Variants in GRAMD2B observed in about 807,000 individuals in gnomAD.
GRAMD2B encodes GRAM domain containing 2B, also known as GRAM domain-containing protein 2B.
Under a neutral mutation model 59.2 loss-of-function variants are expected in GRAMD2B, and 41 were observed. The ratio of observed to expected loss-of-function variants is 0.69; its 90% CI spans 0.54 to 0.90. The LOEUF is 0.90. Ranked by LOEUF, GRAMD2B falls within the 40% of genes least tolerant of loss-of-function variation. The pLI, the probability that GRAMD2B is intolerant of heterozygous loss-of-function variation, is 0.00. For missense variants in GRAMD2B, 424 were observed against 500.5 expected (o/e 0.85, Z 1.46); for synonymous variants, 161 against 182.7 (o/e 0.88, Z 0.96).
At chr5:126,473,495 T>C in intron 5 of GRAMD2B, 127 bp downstream of exon 5, 1 of 430,964 alleles carries the variant, frequency 2.3e-6, no homozygotes. Flanking sequence ...TCAAGTTTCT[T>C]TTGTTGTAAT....
chr5:126,454,684 T>C (rs1261533371), intron 1 of GRAMD2B, among the ~76,000 whole-genome samples: 1 of 152,144 alleles, frequency 6.6e-6, no homozygotes, highest in African/African-American at 2.4e-5. Context: ...GGGGTCTTCT[T>C]TGAGACCATA....
At chr5:126,485,160 C>T (rs1772661757) in intron 10 of GRAMD2B, among the ~76,000 whole-genome samples, 1 of 151,856 alleles carries the variant, frequency 6.6e-6, no homozygotes, top group Admixed American at 6.6e-5. Flanking sequence ...TCAAGACCAG[C>T]CTGGGCAACA....
chr5:126,366,003 C>G (rs763536915), intron 1 of GRAMD2B, among the ~76,000 whole-genome samples: 3 of 152,190 alleles, frequency 2.0e-5, no homozygotes, highest in Non-Finnish European at 4.4e-5. Context: ...TACATGTTTA[C>G]TGAAGCTGCA....
At chr5:126,447,529 T>C (rs1423584715) in intron 1 of GRAMD2B, among the ~76,000 whole-genome samples, 1 of 151,876 alleles carries the variant, frequency 6.6e-6, no homozygotes, top group Non-Finnish European at 1.5e-5. Flanking sequence ...CCGGGCGTGG[T>C]GGCGGGCGCC....
chr5:126,403,431 CG>C (rs1468958063), intron 1 of GRAMD2B, among the ~76,000 whole-genome samples: 14 of 151,988 alleles, frequency 9.2e-5, no homozygotes, highest in African/African-American at 3.1e-4. Context: ...TGCACTTCTA[CG>C]TTGGCTGTTG....
chr5:126,466,509 T>C (rs1768447469), intron 2 of GRAMD2B, among the ~76,000 whole-genome samples: 1 of 151,776 alleles, frequency 6.6e-6, no homozygotes, highest in Non-Finnish European at 1.5e-5. Flanking sequence ...CACAGCAACC[T>C]CCGCCTCCCA....
intron 1 of GRAMD2B, among the ~76,000 whole-genome samples, chr5:126,444,594 T>C (rs1238463432): frequency 1.3e-5 from 2 of 152,236 alleles, no homozygotes; most frequent in Non-Finnish European, 2.9e-5. Context: ...GTACTGCTCA[T>C]TTTTTAGATC....
intron 11 of GRAMD2B, 87 bp from the exon 12 acceptor site, chr5:126,486,786 G>T: frequency 1.3e-6 from 1 of 741,610 alleles, no homozygotes. Context: ...CCTTGCCTCG[G>T]GTGTACCACA....
intron 1 of GRAMD2B, among the ~76,000 whole-genome samples, chr5:126,378,350 CAGTT>C (rs1379238153): frequency 1.3e-5 from 2 of 152,154 alleles, no homozygotes; most frequent in South Asian, 2.1e-4. Context: ...ATATGTCAGA[CAGTT>C]AGTTCATAAG....
chr5:126,378,377 C>T (rs1755381893), intron 1 of GRAMD2B, among the ~76,000 whole-genome samples: 1 of 152,130 alleles, frequency 6.6e-6, no homozygotes, highest in Non-Finnish European at 1.5e-5. Context: ...CACTATATTA[C>T]TTTTCTGGAT....
chr5:126,379,763 T>C (rs1352293023), intron 1 of GRAMD2B, among the ~76,000 whole-genome samples: 1 of 152,216 alleles, frequency 6.6e-6, no homozygotes, highest in African/African-American at 2.4e-5. Context: ...TGTTTGGTTT[T>C]TTCTTGCTTA....
At chr5:126,430,936 T>G (rs1761463643) in intron 1 of GRAMD2B, among the ~76,000 whole-genome samples, 1 of 152,168 alleles carries the variant, frequency 6.6e-6, no homozygotes, top group Admixed American at 6.6e-5. Flanking sequence ...TTATTACTGG[T>G]TTTTTTAAGT....
chr5:126,490,777 C>T (rs979358287), intron 13 of GRAMD2B, among the ~76,000 whole-genome samples: 3 of 152,308 alleles, frequency 2.0e-5, no homozygotes, highest in South Asian at 2.1e-4. Context: ...TTCTCACCTT[C>T]GGGGGCCGGT....
chr5:126,457,963 T>C (rs1441737069), intron 1 of GRAMD2B, among the ~76,000 whole-genome samples: 1 of 152,202 alleles, frequency 6.6e-6, no homozygotes, highest in Non-Finnish European at 1.5e-5. Context: ...AAGACATTAA[T>C]TCATAGGATT....
chr5:126,424,121 G>T (rs903249853), intron 1 of GRAMD2B, among the ~76,000 whole-genome samples: 1 of 152,152 alleles, frequency 6.6e-6, no homozygotes, highest in Admixed American at 6.5e-5. Flanking sequence ...TGCCCTTCTG[G>T]AACTTCAAGA....
At chr5:126,399,333 A>G (rs1329940529) in intron 1 of GRAMD2B, among the ~76,000 whole-genome samples, 1 of 152,096 alleles carries the variant, frequency 6.6e-6, no homozygotes, top group Non-Finnish European at 1.5e-5. Flanking sequence ...TCCAAATCTC[A>G]TCTTGAATTG....
intron 2 of GRAMD2B, chr5:126,466,159 T>C (rs1007191938): frequency 7.1e-7 from 1 of 1,399,484 alleles, no homozygotes; most frequent in Non-Finnish European, 9.5e-7. Context: ...TGAGTGCAGT[T>C]TATCTAAACT....
intron 1 of GRAMD2B, among the ~76,000 whole-genome samples, chr5:126,399,991 G>T (rs917647683): frequency 6.6e-6 from 1 of 151,348 alleles, no homozygotes; most frequent in Admixed American, 6.6e-5. Flanking sequence ...AATAATACAG[G>T]ACTCATTATT....
chr5:126,377,164 T>C (rs1755263768), intron 1 of GRAMD2B, among the ~76,000 whole-genome samples: 1 of 148,780 alleles, frequency 6.7e-6, no homozygotes, highest in South Asian at 2.2e-4. Context: ...AAGTCCTCTT[T>C]GATGGCCTCA....
Sources: allele counts gnomAD v4.1 joint callset (sites outside exome capture counted in the v4.1 genomes callset), GRCh38; gene constraint gnomAD v4.1.1; transcripts MANE v1.5; gene names NCBI Gene and HGNC (gene_info 2026-07-23, HGNC 2026-07-21).